Variants in CNBD1 observed in about 807,000 individuals in gnomAD.
CNBD1 encodes the protein cyclic nucleotide-binding domain-containing protein 1.
In CNBD1, 71 loss-of-function variants were observed where a neutral mutation model predicts 54.4. The observed-to-expected ratio is 1.30, with a 90% CI of 1.08 to 1.59. The LOEUF (loss-of-function observed/expected upper bound fraction) is 1.59. Ranked by LOEUF, CNBD1 falls within the 40% of genes most tolerant of loss-of-function variation. CNBD1 has a pLI of 0.00. For synonymous variants in CNBD1, 182 were observed against 170.7 expected, an observed-to-expected ratio of 1.07 and a Z score of -0.51; for missense variants, 659 against 518.0, an observed-to-expected ratio of 1.27 and a Z score of -2.64.
At chr8:87,421,205 T>A (rs1260450597) in intron 2 of CNBD1, among the ~76,000 whole-genome samples, 4 of 152,056 alleles carry the variant, frequency 2.6e-5, no homozygotes, top group Non-Finnish European at 5.9e-5. Flanking sequence ...CATAATTCAC[T>A]TAGTATCTCA....
At chr8:87,264,941 T>G (rs969350997) in intron 6 of CNBD1, among the ~76,000 whole-genome samples, 7 of 152,096 alleles carry the variant, frequency 4.6e-5, no homozygotes, top group Admixed American at 6.5e-5. Context: ...TTTCTCCCAT[T>G]TTGTAGGTTG....
intron 4 of CNBD1, among the ~76,000 whole-genome samples, chr8:87,000,171 G>C (rs1052072836): frequency 6.6e-6 from 1 of 152,040 alleles, no homozygotes; most frequent in African/African-American, 2.4e-5. Context: ...ACCCAGGTTG[G>C]AGGTGATTGG....
At chr8:87,006,216 G>T (rs77273707) in intron 4 of CNBD1, among the ~76,000 whole-genome samples, 1 of 152,232 alleles carries the variant, frequency 6.6e-6, no homozygotes, top group East Asian at 1.9e-4. Context: ...GGGGAAAAAA[G>T]TGTCCTCCTC....
intron 4 of CNBD1, among the ~76,000 whole-genome samples, chr8:87,162,216 G>A (rs1294942208): frequency 6.6e-6 from 1 of 151,884 alleles, no homozygotes; most frequent in Admixed American, 6.6e-5. Flanking sequence ...TTCTAAATTT[G>A]GATAATAATG....
intron 4 of CNBD1, among the ~76,000 whole-genome samples, chr8:87,121,343 A>G (rs913021353): frequency 5.9e-5 from 9 of 151,736 alleles, no homozygotes; most frequent in African/African-American, 1.4e-4. Context: ...AGGAAATAAG[A>G]GTGTATTTAG....
chr8:86,919,656 A>G (rs975239060), intron 3 of CNBD1, among the ~76,000 whole-genome samples: 1 of 152,218 alleles, frequency 6.6e-6, no homozygotes, highest in Non-Finnish European at 1.5e-5. Flanking sequence ...GTACTGAGAC[A>G]GCCTCAGGCT....
chr8:87,133,819 A>G (rs1311529887), intron 4 of CNBD1, among the ~76,000 whole-genome samples: 6 of 152,136 alleles, frequency 3.9e-5, no homozygotes, highest in Non-Finnish European at 5.9e-5. Flanking sequence ...TAATTAGGAA[A>G]TGTTTGATCT....
At chr8:87,371,053 T>C (rs1206853666) in intron 10 of CNBD1, among the ~76,000 whole-genome samples, 2 of 150,772 alleles carry the variant, frequency 1.3e-5, no homozygotes, top group African/African-American at 2.5e-5. Flanking sequence ...TGCGGCGTTA[T>C]TTCTGAGGGC....
At chr8:87,010,530 C>T (rs1056644653) in intron 4 of CNBD1, among the ~76,000 whole-genome samples, 1 of 152,084 alleles carries the variant, frequency 6.6e-6, no homozygotes, top group Non-Finnish European at 1.5e-5. Context: ...GGTGGATCAC[C>T]TGAGGTCAGG....
chr8:87,400,584 A>G (rs1368802939), intron 2 of CNBD1, among the ~76,000 whole-genome samples: 1 of 152,002 alleles, frequency 6.6e-6, no homozygotes, highest in Non-Finnish European at 1.5e-5. Flanking sequence ...GGAACTAACA[A>G]AAGAATGGTT....
chr8:87,370,288 C>A (rs1810750258), intron 10 of CNBD1, among the ~76,000 whole-genome samples: 1 of 152,144 alleles, frequency 6.6e-6, no homozygotes, highest in Non-Finnish European at 1.5e-5. Flanking sequence ...TTCTAGATCC[C>A]TGAGGAATCG....
chr8:87,237,401 A>T (rs976569643), intron 6 of CNBD1: 1 of 232,350 alleles, frequency 4.3e-6, no homozygotes, highest in African/African-American at 2.2e-5. Flanking sequence ...GTAGTTTCAG[A>T]TAAGTGAGAG....
intron 4 of CNBD1, among the ~76,000 whole-genome samples, chr8:86,986,936 G>A (rs1039039396): frequency 6.6e-6 from 1 of 152,116 alleles, no homozygotes; most frequent in Non-Finnish European, 1.5e-5. Context: ...TTGAAGTTGG[G>A]TAGTAGGATA....
At chr8:87,284,637 G>T in intron 6 of CNBD1, 41 bp from the exon 7 acceptor site, 1 of 1,536,918 alleles carries the variant, frequency 6.5e-7, no homozygotes, top group Non-Finnish European at 8.8e-7. Context: ...TCATGTTGAT[G>T]AGTGGTAATA....
chr8:87,201,152 CT>C (rs938084260), intron 4 of CNBD1, among the ~76,000 whole-genome samples: 34 of 152,120 alleles, frequency 2.2e-4, no homozygotes, highest in Admixed American at 1.8e-3. Context: ...ACATGATTTT[CT>C]TTATAAATAT....
At chr8:87,061,272 T>C (rs1052502692) in intron 4 of CNBD1, among the ~76,000 whole-genome samples, 5 of 152,144 alleles carry the variant, frequency 3.3e-5, no homozygotes, top group African/African-American at 1.2e-4. Flanking sequence ...AGTAACTAAA[T>C]AAGATTAGTG....
intron 4 of CNBD1, among the ~76,000 whole-genome samples, chr8:87,193,738 A>G (rs546896513): frequency 6.6e-6 from 1 of 152,268 alleles, no homozygotes; most frequent in East Asian, 1.9e-4. Flanking sequence ...CAGAATTTCT[A>G]ATACCTAGGT....
intron 10 of CNBD1, among the ~76,000 whole-genome samples, chr8:87,363,127 G>C (rs1369322395): frequency 6.6e-6 from 1 of 152,054 alleles, no homozygotes; most frequent in African/African-American, 2.4e-5. Flanking sequence ...TGTTGTGTTA[G>C]TTTGCTGAAA....
At chr8:86,913,427 T>A (rs796931630) in intron 3 of CNBD1, among the ~76,000 whole-genome samples, 23 of 152,296 alleles carry the variant, frequency 1.5e-4, no homozygotes, top group African/African-American at 5.5e-4. Flanking sequence ...TCTTCATTAT[T>A]TCACATAGGT....
Sources: allele counts gnomAD v4.1 joint callset (sites outside exome capture counted in the v4.1 genomes callset), GRCh38; gene constraint gnomAD v4.1.1; transcripts MANE v1.5; gene names NCBI Gene and HGNC (gene_info 2026-07-23, HGNC 2026-07-21).